Variants in PCA3 observed in about 807,000 individuals in gnomAD.
PCA3 encodes prostate cancer associated 3.
chr9:76,773,563 C>A (rs1249877348), intron 2 of PCA3, among the ~76,000 whole-genome samples: 1 of 151,718 alleles, frequency 6.6e-6, no homozygotes, highest in African/African-American at 2.4e-5. Flanking sequence ...CCTGCCTTAG[C>A]CTCCTGAGTA....
chr9:76,781,542 G>A (rs1057113412), intron 2 of PCA3, among the ~76,000 whole-genome samples: 1 of 152,060 alleles, frequency 6.6e-6, no homozygotes, highest in Non-Finnish European at 1.5e-5. Context: ...ACTTTCTTTG[G>A]AGAACTTACA....
At chr9:76,779,644 T>C (rs2054161607) in intron 2 of PCA3, 1 of 152,222 alleles carries the variant, frequency 6.6e-6, no homozygotes. Context: ...TCTGAAACAT[T>C]GTCCCTGGTG....
Position 76,774,469 on chromosome 9 carries a change from T to TATTTATTTATTTATTTA in PCA3, n.853-34114_853-34113insATTTATTTATTTATTTA, listed in dbSNP as rs1172601108. Among the ~76,000 whole-genome samples the TATTTATTTATTTATTTA allele has an allele frequency of 2.2e-3, 315 of 140,166 alleles. 6 individuals are homozygous for TATTTATTTATTTATTTA. The highest frequency in any genetic ancestry group is 4.4e-3 in the South Asian group (19 of 4,318). The allele number at this position is 140,166 out of a possible 152,430, so 92.0% of individuals were successfully genotyped here. On this transcript the variant is annotated intron_variant and non_coding_transcript_variant, in intron 2 of 5. Coordinates refer to ENST00000644657, the Ensembl canonical transcript of PCA3. ...TCAACCCTTTTTTTTTTTTTTTTTTTTTTTTTTTGAGATGGAGTCTCACTT... is the reference window on the plus strand; with the variant it reads ...TCAACCCTTTTTTTTTTTTTTTTTTTATTTATTTATTTATTTATTTTTTTTGAGATGGAGTCTCACTT...
rs10681024 is a variant in PCA3, at chr9:76,785,733, C to CTGTGTGTG, written n.853-22835_853-22828dup. 673 of 149,636 alleles carry CTGTGTGTG rather than the reference C, an allele frequency of 4.5e-3. 3 individuals carry two copies. The highest frequency in any genetic ancestry group is 0.015 in the African/African-American group (625 of 40,846). The allele number at this position is 149,636 out of a possible 1,614,324, so 9.3% of individuals were successfully genotyped here. A position where few individuals can be genotyped will look rare whatever the true frequency, so the allele number is the denominator to read the frequency against. On this transcript the variant is annotated intron_variant and non_coding_transcript_variant, in intron 2 of 5. Coordinates refer to ENST00000644657, the Ensembl canonical transcript of PCA3. The stretch of plus-strand genomic sequence containing the variant: ...TACTCAGGACCAGTTGTTAAGAGCT[C>CTGTGTGTG]TGTGTGTGTGTGTGTGTGTGTGAGT...
intron 2 of PCA3, among the ~76,000 whole-genome samples, chr9:76,769,503 G>A (rs1010464416): frequency 6.7e-6 from 1 of 149,958 alleles, no homozygotes; most frequent in African/African-American, 2.5e-5. Flanking sequence ...GCTCGTCGTC[G>A]CAACCTCCGC....
At chr9:76,785,509 C>T (rs2054884908) in intron 2 of PCA3, 1 of 152,190 alleles carries the variant, frequency 6.6e-6, no homozygotes, top group Non-Finnish European at 1.5e-5. Flanking sequence ...AAGCTTTTCA[C>T]AGAATTCATG....
At chr9:76,783,376 A>G (rs1589214001) in intron 2 of PCA3, among the ~76,000 whole-genome samples, 1 of 152,004 alleles carries the variant, frequency 6.6e-6, no homozygotes, top group East Asian at 1.9e-4. Flanking sequence ...ACCTCAGGTG[A>G]CCCACCTGCC....
intron 2 of PCA3, among the ~76,000 whole-genome samples, chr9:76,780,453 C>T (rs1006747262): frequency 3.3e-5 from 5 of 151,988 alleles, no homozygotes; most frequent in Admixed American, 6.6e-5. Context: ...TTTGGGAGGC[C>T]GAGGCGGGCG....
chr9:76,771,525 G>A (rs921250097), intron 2 of PCA3, among the ~76,000 whole-genome samples: 2 of 152,170 alleles, frequency 1.3e-5, no homozygotes, highest in East Asian at 1.9e-4. Flanking sequence ...GGAAGACTAC[G>A]GTGAGTCGGG....
chr9:76,771,279 C>T (rs514673), intron 2 of PCA3, among the ~76,000 whole-genome samples: 72,456 of 151,964 alleles, frequency 0.48, 17,683 homozygotes, highest in East Asian at 0.67. Context: ...CTATATCCCT[C>T]AATGGTCATC....
At chr9:76,770,881 G>A (rs752207592) in intron 2 of PCA3, among the ~76,000 whole-genome samples, 24 of 151,998 alleles carry the variant, frequency 1.6e-4, no homozygotes, top group Non-Finnish European at 2.9e-4. Context: ...CTATCAATGC[G>A]AAAGTAAATT....
At chr9:76,768,359 A>C (rs575083645) in intron 2 of PCA3, among the ~76,000 whole-genome samples, 28 of 151,964 alleles carry the variant, frequency 1.8e-4, no homozygotes, top group Admixed American at 7.2e-4. Context: ...TGCCCAGTTA[A>C]TTTTTGTATT....
At chr9:76,779,093 T>C (rs998670040) in intron 2 of PCA3, among the ~76,000 whole-genome samples, 4 of 152,200 alleles carry the variant, frequency 2.6e-5, no homozygotes, top group Non-Finnish European at 5.9e-5. Flanking sequence ...AATAAAGAAC[T>C]TGAGAAGAAC....
In PCA3 at chr9:76,776,506, T is replaced by C. The variant is rs543221378; in HGVS notation, n.853-32077T>C. Among the ~76,000 whole-genome samples, 810 of 149,068 alleles carry C rather than the reference T, an allele frequency of 5.4e-3. 10 individuals carry two copies. Among genetic ancestry groups the C allele is most frequent in the Middle Eastern group, 0.01 (3 of 292 alleles). The stretch of plus-strand genomic sequence containing the variant: ...ACATTTACACCACATTTTCTTTTTT[T>C]TTTTCTTTTTTCTTTTTTTTTTTTT... On this transcript the variant is annotated intron_variant and non_coding_transcript_variant, in intron 2 of 5. Transcript: ENST00000644657.
At chr9:76,767,664 C>T (rs184379548) in intron 2 of PCA3, among the ~76,000 whole-genome samples, 3 of 152,182 alleles carry the variant, frequency 2.0e-5, no homozygotes, top group Non-Finnish European at 4.4e-5. Context: ...TAACAGGAGG[C>T]ACCTTAAAGC....
intron 2 of PCA3, among the ~76,000 whole-genome samples, chr9:76,781,827 C>T (rs1048038406): frequency 6.6e-6 from 1 of 152,190 alleles, no homozygotes; most frequent in Non-Finnish European, 1.5e-5. Flanking sequence ...TCCTGCTGGA[C>T]TCTAATTTCC....
chr9:76,781,847 C>T (rs1278036214), intron 2 of PCA3, among the ~76,000 whole-genome samples: 1 of 152,102 alleles, frequency 6.6e-6, no homozygotes, highest in Non-Finnish European at 1.5e-5. Flanking sequence ...CTATAACCAA[C>T]GTGTACAGCA....
intron 2 of PCA3, among the ~76,000 whole-genome samples, chr9:76,770,942 A>G (rs1353023698): frequency 6.6e-6 from 1 of 152,186 alleles, no homozygotes; most frequent in Non-Finnish European, 1.5e-5. Context: ...AAAAAGAAGA[A>G]TTAGTAATTG....
chr9:76,782,010 T>A (rs555280698), intron 2 of PCA3, among the ~76,000 whole-genome samples: 1 of 152,012 alleles, frequency 6.6e-6, no homozygotes, highest in South Asian at 2.1e-4. Context: ...GTCAGGAGAT[T>A]GAGACCATCC....
Sources: gnomAD v4.1 joint callset for allele counts (sites outside exome capture counted in the v4.1 genomes callset) on GRCh38, gnomAD v4.1.1 for gene constraint, MANE v1.5 for transcripts, NCBI Gene and HGNC (gene_info 2026-07-23, HGNC 2026-07-21) for gene names.